The following CD36 variants were observed in gnomAD, a reference collection of about 807,000 sequenced individuals.
CD36 encodes the protein platelet glycoprotein 4.
In CD36, 119 loss-of-function variants were observed where a neutral mutation model predicts 55.2. The ratio of observed to expected loss-of-function variants is 2.15; its 90% CI spans 1.86 to 2.51. The LOEUF is 2.51. Ranked by LOEUF, CD36 falls within the 30% of genes most tolerant of loss-of-function variation. CD36 has a pLI of 0.00. For synonymous variants in CD36, 186 were observed against 193.6 expected (o/e 0.96, Z 0.33); for missense variants, 819 against 555.5 (o/e 1.47, Z -4.77).
chr7:80,638,279 T>A (rs563648711), upstream of CD36, among the ~76,000 whole-genome samples: 5 of 152,090 alleles, frequency 3.3e-5, no homozygotes, highest in East Asian at 9.7e-4. Flanking sequence ...ATGATTATTC[T>A]TCCAAATTTA....
At chr7:80,667,818 C>T (rs1439749670) in intron 8 of CD36, among the ~76,000 whole-genome samples, 6 of 134,376 alleles carry the variant, frequency 4.5e-5, no homozygotes, top group Non-Finnish European at 7.6e-5. Flanking sequence ...GGTGCGATCT[C>T]GGCTCACTGC....
rs1038376483 is a variant in CD36 at position 80,670,097 on chromosome 7, C to T, written c.818+75C>T. ...CAAAATGCAGACCAAGAAACTTAAACACAGCATAGGAAATTCATCATGTTT... is the reference window on the plus strand; with the variant it reads ...CAAAATGCAGACCAAGAAACTTAAATACAGCATAGGAAATTCATCATGTTT... On this transcript the variant is annotated intron_variant, in intron 9 of 14. Transcript: ENST00000447544. 1.8e-5 allele frequency: 16 copies of T among 872,780 alleles called. No homozygotes were observed. The African/African-American group carries it at 2.1e-4, about 12-fold the overall frequency. 54.1% of individuals were successfully genotyped at this position (872,780 alleles called of 1,614,324 possible).
chr7:80,661,893 A>G (rs1365148883), intron 5 of CD36, among the ~76,000 whole-genome samples: 1 of 152,060 alleles, frequency 6.6e-6, no homozygotes, highest in Admixed American at 6.6e-5. Flanking sequence ...AATAAACAAA[A>G]CTCTGCAGAG....
intron 1 of CD36, chr7:80,623,885 T>C (rs973342691): frequency 3.9e-5 from 6 of 152,224 alleles, no homozygotes; most frequent in Admixed American, 3.3e-4. Context: ...TAATTGTTTC[T>C]TTTTTTAAAG....
chr7:80,665,914 C>T (rs1797044399), intron 7 of CD36: 1 of 154,820 alleles, frequency 6.5e-6, no homozygotes, highest in Admixed American at 6.4e-5. Context: ...AACGCCAGTC[C>T]ATGGGAGAAT....
At chr7:80,620,459 C>G (rs972352261) in intron 1 of CD36, among the ~76,000 whole-genome samples, 1 of 152,102 alleles carries the variant, frequency 6.6e-6, no homozygotes, top group Non-Finnish European at 1.5e-5. Flanking sequence ...ATAAAGGATA[C>G]AAATGAAGAG....
At chr7:80,630,112 G>T (rs1278157212) in intron 1 of CD36, among the ~76,000 whole-genome samples, 1 of 151,764 alleles carries the variant, frequency 6.6e-6, no homozygotes, top group Non-Finnish European at 1.5e-5. Context: ...TAATACTTAG[G>T]GTGCTAAATG....
rs775734577 is a variant in CD36, at chr7:80,673,347, TATTACAGAGTATTAAA to T, written c.1200-7_1208del. The T allele has an allele frequency of 1.1e-5, 14 of 1,294,714 alleles. No homozygotes were observed. The African/African-American group carries it at 1.7e-4, about 16-fold the overall frequency. The allele number at this position is 1,294,714 out of a possible 1,614,324, so 80.2% of individuals were successfully genotyped here. On this transcript the variant is annotated splice_acceptor_variant and splice_polypyrimidine_tract_variant and coding_sequence_variant and intron_variant, in exon 13 of 15. Coordinates refer to ENST00000447544, the MANE Select transcript of CD36 (RefSeq NM_001001548.3). LOFTEE classifies it high-confidence loss of function. ...TATGTTCATAATTATTTTCAACGTA[TATTACAGAGTATTAAA>T]GAATCTGAAGAGGAACTATATTGTG...
intron 8 of CD36, among the ~76,000 whole-genome samples, chr7:80,667,812 C>T (rs3211924): frequency 0.011 from 1,413 of 134,118 alleles, 24 homozygotes; most frequent in African/African-American, 0.039. Flanking sequence ...TGCAGTGGTG[C>T]GATCTCGGCT....
At position 80,678,336 on chromosome 7, in the gene CD36, G is replaced by A. The variant is rs928863026; in HGVS notation, c.*1953G>A. 2 of 152,054 alleles carry A rather than the reference G, an allele frequency of 1.3e-5. No individual in the cohort carries two copies. The highest frequency in any genetic ancestry group is 2.1e-4 in the South Asian group (1 of 4,820). 9.4% of individuals were successfully genotyped at this position (152,054 alleles called of 1,614,324 possible). A position where few individuals can be genotyped will look rare whatever the true frequency, so the allele number is the denominator to read the frequency against. Reference sequence around the variant, plus strand: ...GTTATTAACCACAGAATTATAGCAGGTATTCATAACTTAAGTTTGAAAATC... The same window carrying A: ...GTTATTAACCACAGAATTATAGCAGATATTCATAACTTAAGTTTGAAAATC... On this transcript the variant is annotated 3_prime_UTR_variant, in exon 15 of 15. Coordinates refer to ENST00000447544, the MANE Select transcript of CD36 (RefSeq NM_001001548.3).
intron 7 of CD36, among the ~76,000 whole-genome samples, chr7:80,665,453 A>G (rs987928628): frequency 3.5e-5 from 3 of 86,312 alleles, no homozygotes; most frequent in Admixed American, 1.2e-4. Flanking sequence ...TAACAGCTAA[A>G]TATTACTAGT....
chr7:80,647,603 T>C (rs370024854), intron 3 of CD36, among the ~76,000 whole-genome samples: 1 of 152,078 alleles, frequency 6.6e-6, no homozygotes. Context: ...AAACGTTGAT[T>C]GATAGGGGGA....
At position 80,646,163 on chromosome 7, in the gene CD36, CTGT is replaced by C. The variant is rs1457831545; in HGVS notation, c.-105_-103del. The C allele has an allele frequency of 1.3e-5, 2 of 154,248 alleles. No individual in the cohort carries two copies. The highest frequency in any genetic ancestry group is 2.9e-5 in the Non-Finnish European group (2 of 69,298). 9.6% of individuals were successfully genotyped at this position (154,248 alleles called of 1,614,324 possible). On this transcript the variant is annotated 5_prime_UTR_variant, in exon 2 of 15. An upstream open reading frame in the 5' UTR gains an earlier in-frame stop. Coordinates refer to ENST00000447544, the MANE Select transcript of CD36 (RefSeq NM_001001548.3). ...CATTTCCTGTAAAATTCATGTCTTG[CTGT>C]TGATTTGTGAATAAGGTATCGTAAA...
chr7:80,635,244 G>T (rs1454391211), upstream of CD36, among the ~76,000 whole-genome samples: 1 of 147,966 alleles, frequency 6.8e-6, no homozygotes, highest in Non-Finnish European at 1.5e-5. Flanking sequence ...AATTGTGCGT[G>T]ATAGCCAGTG....
At chr7:80,622,866 C>A (rs1459391046) in intron 1 of CD36, among the ~76,000 whole-genome samples, 2 of 152,144 alleles carry the variant, frequency 1.3e-5, no homozygotes, top group East Asian at 3.9e-4. Context: ...ACTTAAGTAC[C>A]TAGACCAATT....
At chr7:80,620,064 G>A (rs1464802812) in intron 1 of CD36, among the ~76,000 whole-genome samples, 2 of 152,048 alleles carry the variant, frequency 1.3e-5, no homozygotes, top group African/African-American at 4.8e-5. Context: ...AAGATGCTAT[G>A]AACACTGTTG....
chr7:80,638,936 T>C (rs1794619765), intron 1 of CD36, among the ~76,000 whole-genome samples, 190 bp downstream of exon 1: 1 of 152,002 alleles, frequency 6.6e-6, no homozygotes, highest in South Asian at 2.1e-4. Context: ...TTTCAAGTTA[T>C]CAACCTTCCT....
chr7:80,675,751 T>A (rs1798138581), intron 14 of CD36, among the ~76,000 whole-genome samples: 2 of 152,082 alleles, frequency 1.3e-5, no homozygotes, highest in African/African-American at 4.8e-5. Flanking sequence ...TAGGAACAAG[T>A]AAGAAGACAG....
intron 1 of CD36, among the ~76,000 whole-genome samples, chr7:80,642,864 A>T (rs541206536): frequency 6.6e-6 from 1 of 152,302 alleles, no homozygotes; most frequent in East Asian, 1.9e-4. Context: ...GACCAATGTT[A>T]GATTGAGAAC....
Sources: gnomAD v4.1 joint callset for allele counts (sites outside exome capture counted in the v4.1 genomes callset) on GRCh38, gnomAD v4.1.1 for gene constraint, MANE v1.5 for transcripts, NCBI Gene and HGNC (gene_info 2026-07-23, HGNC 2026-07-21) for gene names.